PPP1R9B: variants seen among roughly 807,000 people sequenced by gnomAD.
PPP1R9B encodes neurabin-2.
A neutral mutation model predicts 75.8 loss-of-function variants in PPP1R9B; 17 were observed. The observed-to-expected ratio is 0.22, with a 90% CI of 0.15 to 0.34. PPP1R9B has a LOEUF of 0.34. Ranked by LOEUF, PPP1R9B falls within the 10% of genes least tolerant of loss-of-function variation. The probability of loss-of-function intolerance (pLI) is 1.00; values close to 1 mark genes in which losing one functional copy is unlikely to be tolerated. For missense variants in PPP1R9B, 875 were observed against 1,196.0 expected (o/e 0.73, Z 3.96); for synonymous variants, 509 against 535.4 (o/e 0.95, Z 0.68).
chr17:50,135,195 G>T lies in PPP1R9B; in HGVS notation c.*136C>A. ...AGCCCTCTGGTCCCTGAAGCTGGGG[G>T]AGGTGGGGTGGAGGGGTGGGGGGAG... is the stretch of plus-strand genomic sequence containing the variant. On this transcript the variant is annotated 3_prime_UTR_variant, in exon 10 of 10. Transcript: ENST00000612501. 1 of 668,988 alleles carries T rather than the reference G, an allele frequency of 1.5e-6. No homozygotes were observed. 41.4% of individuals were successfully genotyped at this position (668,988 alleles called of 1,614,324 possible).
Position 50,149,513 on chromosome 17 carries a change from G to A in PPP1R9B, c.1001C>T (p.Thr334Ile). 1 of 1,594,978 alleles carries A rather than the reference G, an allele frequency of 6.3e-7. No homozygotes were observed. Among genetic ancestry groups the A allele is most frequent in the South Asian group, 1.1e-5 (1 of 88,610 alleles). ...CGCGGGGCTGGCTGCAGTTGCCACG[G>A]TGCTGCCATTCTCCAGGGCCGCGTG... ...TVHAALENGS[T>I]VATAASPAPE... Residue 334 changes from threonine to isoleucine, a missense_variant, in exon 1 of 10, where the codon ACC becomes ATC. Coordinates refer to ENST00000612501, the MANE Select transcript of PPP1R9B (RefSeq NM_032595.5). The surrounding 1 kb of genome is among the most constrained non-coding windows in gnomAD (Gnocchi z 7.2).
At chr17:50,137,082 C>A in intron 7 of PPP1R9B, among the ~76,000 whole-genome samples, 1 of 152,194 alleles carries the variant, frequency 6.6e-6, no homozygotes, top group African/African-American at 2.4e-5. Context: ...AGGGCCTTTA[C>A]GTGTGCTGTC....
chr17:50,147,980 G>A (rs1403442498), intron 1 of PPP1R9B, among the ~76,000 whole-genome samples: 1 of 152,184 alleles, frequency 6.6e-6, no homozygotes, highest in Non-Finnish European at 1.5e-5. Flanking sequence ...GGCAGGGCAG[G>A]GTCCAGGCCA....
chr17:50,139,355 T>A lies in PPP1R9B; in HGVS notation c.2020-39A>T. On this transcript the variant is annotated intron_variant, in intron 6 of 9. Coordinates refer to ENST00000612501, the MANE Select transcript of PPP1R9B (RefSeq NM_032595.5). This position sits in a 1 kb window ranked among gnomAD's most constrained non-coding sequence, Gnocchi z 5.0. ...GGGCAGGCACTCAGCTCCAGCAGGG[T>A]GGGGCAGGCAGTGCCAAGGGCAGGA... 1 of 1,613,916 alleles carries A rather than the reference T, an allele frequency of 6.2e-7. No individual in the cohort carries two copies. The highest frequency in any genetic ancestry group is 1.7e-5 in the Admixed American group (1 of 60,030).
rs545482856 is a variant in PPP1R9B, at chr17:50,148,077, AG to A, written c.1371+1065del. On this transcript the variant is annotated intron_variant, in intron 1 of 9. Transcript: ENST00000612501. ...CTGGGGCGGTGAGGAAGAACCCTGC[AG>A]GCTGAATGTGCTAGCCAAGAGTGGA... Among the ~76,000 whole-genome samples, 12 of 149,692 alleles carry A rather than the reference AG, an allele frequency of 8.0e-5. 1 individual carries two copies. Among genetic ancestry groups the A allele is most frequent in the Admixed American group, 8.0e-4 (12 of 15,068 alleles).
At position 50,149,580 on chromosome 17, in the gene PPP1R9B, C is replaced by T. The variant is rs916963837; in HGVS notation, c.934G>A (p.Glu312Lys). 3 of 1,576,070 alleles carry T rather than the reference C, an allele frequency of 1.9e-6. No individual in the cohort carries two copies. Among genetic ancestry groups the T allele is most frequent in the South Asian group, 1.2e-5 (1 of 86,230 alleles). ...TGGATCACCTCCCCGGGCGCCGACTCGGCCTCCGACTCCCCGCTCTCCTCC... is the reference window on the plus strand; with the variant it reads ...TGGATCACCTCCCCGGGCGCCGACTTGGCCTCCGACTCCCCGCTCTCCTCC... ...EVEESGESEA[E>K]SAPGEVIQAE... The change falls in exon 1 of 10, where the codon GAG (glutamate) becomes AAG (lysine). Residue 312 changes from glutamate to lysine, a missense_variant. Coordinates refer to ENST00000612501, the MANE Select transcript of PPP1R9B (RefSeq NM_032595.5). The surrounding 1 kb of genome is among the most constrained non-coding windows in gnomAD (Gnocchi z 7.2).
intron 3 of PPP1R9B, among the ~76,000 whole-genome samples, chr17:50,141,674 A>C (rs1460159871): frequency 6.6e-6 from 1 of 151,722 alleles, no homozygotes; most frequent in Non-Finnish European, 1.5e-5. Flanking sequence ...AAAAAAAAAA[A>C]AAACAAAAAA....
Position 50,150,261 on chromosome 17 carries a change from G to C in PPP1R9B, c.253C>G (p.Arg85Gly). The C allele has an allele frequency of 2.8e-6, 4 of 1,446,012 alleles. No homozygotes were observed. The highest frequency in any genetic ancestry group is 2.7e-5 in the South Asian group (2 of 73,008). 89.6% of individuals were successfully genotyped at this position (1,446,012 alleles called of 1,614,324 possible). A position where few individuals can be genotyped will look rare whatever the true frequency, so the allele number is the denominator to read the frequency against. The part of the protein sequence containing the change: ...GGGAGLAEAP[R>G]ASERGVRLSL... Reference sequence around the variant, plus strand: ...AGGCGCACGCCGCGCTCGGACGCCCGTGGGGCCTCGGCCAGGCCCGCGCCG... The same window carrying C: ...AGGCGCACGCCGCGCTCGGACGCCCCTGGGGCCTCGGCCAGGCCCGCGCCG... Residue 85 changes from arginine to glycine, a missense_variant, in exon 1 of 10, where the codon CGG (arginine) becomes GGG (glycine). Coordinates refer to ENST00000612501, the MANE Select transcript of PPP1R9B (RefSeq NM_032595.5). This position sits in a 1 kb window ranked among gnomAD's most constrained non-coding sequence, Gnocchi z 8.7.
chr17:50,135,308 G>T lies in PPP1R9B; in HGVS notation c.*23C>A. 6.2e-7 allele frequency: 1 copy of T among 1,600,172 alleles called. No homozygotes were observed. Among genetic ancestry groups the T allele is most frequent in the Non-Finnish European group, 8.6e-7 (1 of 1,167,884 alleles). On this transcript the variant is annotated 3_prime_UTR_variant, in exon 10 of 10. Transcript: ENST00000612501. ...GACAATGGGAGGGGGGTTAATTATT[G>T]TCCAGTCATGGAATGATTCCTGTTA... is the stretch of plus-strand genomic sequence containing the variant.
chr17:50,135,825 T>A, intron 8 of PPP1R9B, 143 bp downstream of exon 8: 1 of 865,532 alleles, frequency 1.2e-6, no homozygotes, highest in Non-Finnish European at 1.8e-6. Context: ...CTCTGATGCC[T>A]GGTCATTCCG....
chr17:50,135,459 G>A, intron 9 of PPP1R9B, 75 bp from the exon 10 acceptor site: 1 of 1,577,438 alleles, frequency 6.3e-7, no homozygotes, highest in East Asian at 2.2e-5. Context: ...CCCCCGGTGA[G>A]GACATGGCAT....
intron 7 of PPP1R9B, among the ~76,000 whole-genome samples, chr17:50,138,548 T>A (rs533238386): frequency 1.3e-5 from 2 of 152,230 alleles, no homozygotes; most frequent in South Asian, 4.2e-4. Flanking sequence ...ATAGCAGACA[T>A]ATGTGGGACA....
Position 50,143,642 on chromosome 17 carries a change from G to A in PPP1R9B, c.1581C>T (p.Phe527=), listed in dbSNP as rs1457048145. 12 of 1,613,912 alleles carry A rather than the reference G, an allele frequency of 7.4e-6. No individual in the cohort carries two copies. Among genetic ancestry groups the A allele is most frequent in the African/African-American group, 5.3e-5 (4 of 74,928 alleles). Residue 527 remains phenylalanine, a synonymous_variant, in exon 3 of 10, where the codon TTC becomes TTT. Transcript: ENST00000612501. ...CACCACCCTCCGTCACGGTCTTGAC[G>A]AAGATACCCAGCTTCTCCAGGCCCA... is the stretch of plus-strand genomic sequence containing the variant. The part of the protein sequence containing the change: ...ADMGLEKLGI[F]VKTVTEGGAA...
chr17:50,135,938 GCCCAGCCCGCCCA>G lies in PPP1R9B; in HGVS notation c.2303+17_2303+29del. Reference sequence around the variant, plus strand: ...CCAAAAGCCTCTCAATGCTCCCTGGGCCCAGCCCGCCCAGCCCCCAGCCACGTACTTCTGCTGG... The same window carrying G: ...CCAAAAGCCTCTCAATGCTCCCTGGGGCCCCCAGCCACGTACTTCTGCTGG... On this transcript the variant is annotated intron_variant, in intron 8 of 9. Coordinates refer to ENST00000612501, the MANE Select transcript of PPP1R9B (RefSeq NM_032595.5). 7.0e-7 allele frequency: 1 copy of G among 1,419,246 alleles called. No homozygotes were observed. The highest frequency in any genetic ancestry group is 9.7e-7 in the Non-Finnish European group (1 of 1,032,692). The allele number at this position is 1,419,246 out of a possible 1,614,324, so 87.9% of individuals were successfully genotyped here. A position where few individuals can be genotyped will look rare whatever the true frequency, so the allele number is the denominator to read the frequency against.
intron 7 of PPP1R9B, among the ~76,000 whole-genome samples, chr17:50,138,321 C>T (rs1912283695): frequency 6.6e-6 from 1 of 152,182 alleles, no homozygotes; most frequent in Non-Finnish European, 1.5e-5. Flanking sequence ...CTGTGTGTTT[C>T]AGAGCAGATG....
chr17:50,143,607 C>T lies in PPP1R9B; in HGVS notation c.1616G>A (p.Arg539Gln). Residue 539 changes from arginine to glutamine, a missense_variant, in exon 3 of 10, where the codon CGG (arginine) becomes CAG (glutamine). Coordinates refer to ENST00000612501, the MANE Select transcript of PPP1R9B (RefSeq NM_032595.5). The stretch of plus-strand genomic sequence containing the variant: ...TGGGGAGGATTGGTACCTGCCATCC[C>T]GATGGGCCGCACCACCCTCCGTCAC... ...KTVTEGGAAH[R>Q]DGRIQVNDLL... is the part of the protein sequence containing the mutation. 1.2e-6 allele frequency: 2 copies of T among 1,613,984 alleles called. No homozygotes were observed.
chr17:50,149,564 T>C lies in PPP1R9B; in HGVS notation c.950A>G (p.Glu317Gly). 6.3e-7 allele frequency: 1 copy of C among 1,584,062 alleles called. No individual in the cohort carries two copies. Among genetic ancestry groups the C allele is most frequent in the Non-Finnish European group, 8.6e-7 (1 of 1,168,620 alleles). The change falls in exon 1 of 10, where the codon GAG (glutamate) becomes GGG (glycine). Residue 317 changes from glutamate to glycine, a missense_variant. Around this residue, in one of 4 missense-constraint regions of PPP1R9B, gnomAD observed 449 missense variants for 475.0 expected, o/e 0.95. Coordinates refer to ENST00000612501, the MANE Select transcript of PPP1R9B (RefSeq NM_032595.5). The surrounding 1 kb of genome is among the most constrained non-coding windows in gnomAD (Gnocchi z 7.2). ...GACCGTAACCTCGGCCTGGATCACC[T>C]CCCCGGGCGCCGACTCGGCCTCCGA... Reference protein sequence around the residue: ...GESEAESAPGEVIQAEVTVHA... With the variant: ...GESEAESAPGGVIQAEVTVHA...
Position 50,134,992 on chromosome 17 carries a change from C to T in PPP1R9B, c.*339G>A. 1 of 319,858 alleles carries T rather than the reference C, an allele frequency of 3.1e-6. No homozygotes were observed. The highest frequency in any genetic ancestry group is 5.9e-6 in the Non-Finnish European group (1 of 168,296). The allele number at this position is 319,858 out of a possible 1,614,324, so 19.8% of individuals were successfully genotyped here. On this transcript the variant is annotated 3_prime_UTR_variant, in exon 10 of 10. Transcript: ENST00000612501. The stretch of plus-strand genomic sequence containing the variant: ...CCCCAGCCCCGTTCCAGTCCAGAGA[C>T]AAAAGCTGGAGTGTGTAAAGTCTGG...
At chr17:50,144,471 C>A (rs542460813) in intron 2 of PPP1R9B, among the ~76,000 whole-genome samples, 1 of 152,190 alleles carries the variant, frequency 6.6e-6, no homozygotes, top group Non-Finnish European at 1.5e-5. Context: ...CTTTCTAGAC[C>A]TTTCCTGTGC....
Sources: allele counts gnomAD v4.1 joint callset (sites outside exome capture counted in the v4.1 genomes callset), GRCh38; gene constraint gnomAD v4.1.1; regional missense constraint gnomAD v4.1.1; non-coding constraint Gnocchi (gnomAD v3.1); transcripts MANE v1.5; gene names NCBI Gene and HGNC (gene_info 2026-07-23, HGNC 2026-07-21).